Variants in MYO16 observed in about 807,000 individuals in gnomAD.
MYO16 encodes the protein myosin XVI, also known as unconventional myosin-XVI.
MYO16 carries 94 observed loss-of-function variants against 205.3 expected under a neutral mutation model. The observed-to-expected ratio is 0.46, with a 90% confidence interval of 0.39 to 0.54. The LOEUF is 0.54. Ranked by LOEUF, MYO16 falls within the 20% of genes least tolerant of loss-of-function variation. The pLI is 0.00. For synonymous variants in MYO16, 988 were observed against 954.0 expected, an observed-to-expected ratio of 1.04 and a Z score of -0.66; for missense variants, 2,315 against 2,387.5, an observed-to-expected ratio of 0.97 and a Z score of 0.63.
At chr13:108,860,882 T>G (rs1878418761) in intron 11 of MYO16, among the ~76,000 whole-genome samples, 1 of 152,316 alleles carries the variant, frequency 6.6e-6, no homozygotes, top group South Asian at 2.1e-4. Flanking sequence ...GACATCTTTC[T>G]TAATCAACAG....
chr13:108,588,188 G>T, the MYO16 span, among the ~76,000 whole-genome samples: 1 of 152,108 alleles, frequency 6.6e-6, no homozygotes, highest in Non-Finnish European at 1.5e-5. Flanking sequence ...CCCTCTACTT[G>T]TCAGAGTATT....
chr13:109,187,797 T>C (rs1328604989), intron 34 of MYO16, among the ~76,000 whole-genome samples: 2 of 152,238 alleles, frequency 1.3e-5, no homozygotes, highest in South Asian at 2.1e-4. Flanking sequence ...TGAAATTTCC[T>C]TGGGCACTTC....
chr13:108,552,589 A>G, the MYO16 span, among the ~76,000 whole-genome samples: 1 of 152,164 alleles, frequency 6.6e-6, no homozygotes, highest in Non-Finnish European at 1.5e-5. Context: ...CTGTTTGTGT[A>G]TCTTGCCTTT....
At position 108,772,853 on chromosome 13, in the gene MYO16, A is replaced by G. The variant is rs142800133; in HGVS notation, c.508-12782A>G. 2.5e-3 allele frequency among the ~76,000 whole-genome samples: 386 copies of G among 152,276 alleles called. 2 individuals carry two copies. The highest frequency in any genetic ancestry group is 9.0e-3 in the African/African-American group (373 of 41,554). ...TAAAAAAGAAAAGGGAGGAGGAGAGAGAGCATGAACAAAAATAGGGGAAAA... is the reference window on the plus strand; with the variant it reads ...TAAAAAAGAAAAGGGAGGAGGAGAGGGAGCATGAACAAAAATAGGGGAAAA... On this transcript the variant is annotated intron_variant, in intron 4 of 34. Coordinates refer to ENST00000457511, the MANE Select transcript of MYO16 (RefSeq NM_001198950.3).
chr13:109,182,624 A>C (rs1339476464), intron 34 of MYO16, among the ~76,000 whole-genome samples: 1 of 152,142 alleles, frequency 6.6e-6, no homozygotes, highest in African/African-American at 2.4e-5. Context: ...TACACATTTA[A>C]TTTTATTGTT....
chr13:109,158,128 G>A (rs930967446), intron 32 of MYO16, among the ~76,000 whole-genome samples: 4 of 152,060 alleles, frequency 2.6e-5, no homozygotes, highest in Non-Finnish European at 5.9e-5. Flanking sequence ...ATGTTCCCCA[G>A]AGTGGCCACT....
At chr13:109,178,335 G>A (rs1879308833) in intron 33 of MYO16, among the ~76,000 whole-genome samples, 1 of 152,116 alleles carries the variant, frequency 6.6e-6, no homozygotes, top group Admixed American at 6.5e-5. Context: ...CATGAAGTTA[G>A]CTTTTCCATA....
At chr13:108,737,203 C>T (rs1451149989) in intron 4 of MYO16, among the ~76,000 whole-genome samples, 7 of 152,116 alleles carry the variant, frequency 4.6e-5, no homozygotes, top group Non-Finnish European at 8.8e-5. Flanking sequence ...AGAGGGCATC[C>T]CTGTCTTGTG....
At chr13:109,105,831 A>G (rs1231803194) in intron 28 of MYO16, among the ~76,000 whole-genome samples, 3 of 152,254 alleles carry the variant, frequency 2.0e-5, no homozygotes, top group South Asian at 2.1e-4. Context: ...ACTGGTCACC[A>G]TAAGTTTTGG....
At chr13:108,912,363 A>G (rs1336376704) in intron 16 of MYO16, among the ~76,000 whole-genome samples, 3 of 152,220 alleles carry the variant, frequency 2.0e-5, no homozygotes, top group Non-Finnish European at 4.4e-5. Flanking sequence ...TTTATTTACA[A>G]AGAAAGACTG....
chr13:108,596,064 C>T (rs548358251), upstream of MYO16: 9 of 146,172 alleles, frequency 6.2e-5, no homozygotes, highest in South Asian at 2.2e-4. Context: ...TTTTTGAAGT[C>T]GATCTACAGG....
chr13:108,636,346 CTTTTTTTTT>C (rs71125326), intron 1 of MYO16, among the ~76,000 whole-genome samples: 1,540 of 81,330 alleles, frequency 0.019, 30 homozygotes, highest in South Asian at 0.044. Context: ...AAATATTTCC[CTTTTTTTTT>C]TTTTTTTTTT....
intron 7 of MYO16, among the ~76,000 whole-genome samples, chr13:108,809,008 T>C (rs1387050619): frequency 2.6e-5 from 4 of 152,174 alleles, no homozygotes; most frequent in Non-Finnish European, 4.4e-5. Context: ...CCTGTCACAT[T>C]CCAAAAACTT....
chr13:108,846,751 G>A (rs899010536), intron 10 of MYO16, among the ~76,000 whole-genome samples: 1 of 151,914 alleles, frequency 6.6e-6, no homozygotes, highest in Non-Finnish European at 1.5e-5. Flanking sequence ...ACTTTAAAAT[G>A]TATTTTTGTT....
At chr13:109,004,824 A>G (rs544960786) in intron 21 of MYO16, among the ~76,000 whole-genome samples, 1 of 152,322 alleles carries the variant, frequency 6.6e-6, no homozygotes, top group South Asian at 2.1e-4. Flanking sequence ...TCTGCCAGCT[A>G]TAATGTGCAG....
intron 4 of MYO16, among the ~76,000 whole-genome samples, chr13:108,739,726 G>A (rs1280822692): frequency 1.3e-5 from 2 of 152,000 alleles, no homozygotes; most frequent in African/African-American, 2.4e-5. Context: ...TATCCTGCAG[G>A]GTGTTTTCCA....
intron 1 of MYO16, among the ~76,000 whole-genome samples, chr13:108,615,639 A>C (rs1468398264): frequency 6.6e-6 from 1 of 152,156 alleles, no homozygotes; most frequent in African/African-American, 2.4e-5. Context: ...GGACATATTG[A>C]TCCATGCTGT....
chr13:108,864,878 A>G (rs1164926968), intron 11 of MYO16, among the ~76,000 whole-genome samples: 1 of 152,168 alleles, frequency 6.6e-6, no homozygotes, highest in Non-Finnish European at 1.5e-5. Flanking sequence ...AATGAGTTCT[A>G]CAGTGCAGCA....
intron 23 of MYO16, among the ~76,000 whole-genome samples, chr13:109,022,804 ATATT>A (rs1025070489): frequency 5.2e-5 from 7 of 135,240 alleles, no homozygotes; most frequent in Admixed American, 1.6e-4. Flanking sequence ...ACATATGTAT[ATATT>A]TATATATTAT....
Sources: gnomAD v4.1 joint callset for allele counts (sites outside exome capture counted in the v4.1 genomes callset) on GRCh38, gnomAD v4.1.1 for gene constraint, MANE v1.5 for transcripts, NCBI Gene and HGNC (gene_info 2026-07-23, HGNC 2026-07-21) for gene names.